Variants in ANKS1B observed in about 807,000 individuals in gnomAD.
The protein encoded by ANKS1B is ankyrin repeat and sterile alpha motif domain containing 1B, also known as ankyrin repeat and sterile alpha motif domain-containing protein 1B.
A neutral mutation model predicts 148.3 loss-of-function variants in ANKS1B; 36 were observed. That is an observed-to-expected ratio of 0.24 (90% CI 0.19 to 0.32). The LOEUF (loss-of-function observed/expected upper bound fraction) is 0.32, where lower values mean the gene tolerates loss of function less well. ANKS1B is among the 10% of genes least tolerant of loss of function. The probability of loss-of-function intolerance (pLI) is 1.00; values close to 1 mark genes in which losing one functional copy is unlikely to be tolerated. For missense variants in ANKS1B, 1,157 were observed against 1,542.6 expected, an observed-to-expected ratio of 0.75 and a Z score of 4.19; for synonymous variants, 542 against 560.8, an observed-to-expected ratio of 0.97 and a Z score of 0.47.
intron 17 of ANKS1B, among the ~76,000 whole-genome samples, chr12:98,836,314 C>T (rs2099362668): frequency 6.6e-6 from 1 of 152,162 alleles, no homozygotes; most frequent in Non-Finnish European, 1.5e-5. Flanking sequence ...GTTAAAGCTA[C>T]AGGCTACAAG....
At chr12:99,877,296 C>T (rs1327203128) in intron 1 of ANKS1B, among the ~76,000 whole-genome samples, 1 of 152,120 alleles carries the variant, frequency 6.6e-6, no homozygotes, top group Non-Finnish European at 1.5e-5. Flanking sequence ...TTAATCTTCC[C>T]CCACATTCCA....
chr12:99,571,522 A>G (rs1198389332), intron 9 of ANKS1B, among the ~76,000 whole-genome samples: 1 of 152,170 alleles, frequency 6.6e-6, no homozygotes, highest in East Asian at 1.9e-4. Context: ...CAAGTCTGCT[A>G]TGATGAGAAA....
chr12:99,183,239 C>T (rs2079355657), intron 14 of ANKS1B, among the ~76,000 whole-genome samples: 1 of 152,144 alleles, frequency 6.6e-6, no homozygotes. Flanking sequence ...TATCACAAGA[C>T]ACATTAAAGA....
At chr12:99,279,070 G>A (rs940222141) in intron 12 of ANKS1B, among the ~76,000 whole-genome samples, 1 of 151,982 alleles carries the variant, frequency 6.6e-6, no homozygotes, top group Non-Finnish European at 1.5e-5. Context: ...AATGGTGTAG[G>A]CCCTCACCAC....
chr12:99,513,729 C>T (rs927603404), intron 9 of ANKS1B, among the ~76,000 whole-genome samples: 2 of 151,984 alleles, frequency 1.3e-5, no homozygotes, highest in African/African-American at 4.8e-5. Flanking sequence ...ATTTATTTCT[C>T]TCCACCCCAG....
At chr12:98,889,209 A>G (rs2099746811) in intron 17 of ANKS1B, among the ~76,000 whole-genome samples, 1 of 152,252 alleles carries the variant, frequency 6.6e-6, no homozygotes, top group Non-Finnish European at 1.5e-5. Flanking sequence ...AATCAACATG[A>G]TGAATTATCA....
chr12:99,333,851 T>C (rs1430232195), intron 12 of ANKS1B, among the ~76,000 whole-genome samples: 1 of 144,672 alleles, frequency 6.9e-6, no homozygotes, highest in Non-Finnish European at 1.5e-5. Context: ...TTTCCAGTTC[T>C]CAGTTTTTTT....
intron 14 of ANKS1B, among the ~76,000 whole-genome samples, chr12:99,175,781 C>T (rs1566555521): frequency 6.6e-6 from 1 of 152,160 alleles, no homozygotes; most frequent in African/African-American, 2.4e-5. Context: ...CCAGGCTCCA[C>T]CTACGATGCT....
chr12:99,908,319 C>T (rs941729726), intron 1 of ANKS1B, among the ~76,000 whole-genome samples: 3 of 152,096 alleles, frequency 2.0e-5, no homozygotes, highest in Admixed American at 6.5e-5. Flanking sequence ...GTGGCTCATA[C>T]CTGTAATCCC....
At chr12:99,082,534 C>T (rs1260836243) in intron 16 of ANKS1B, among the ~76,000 whole-genome samples, 1 of 152,042 alleles carries the variant, frequency 6.6e-6, no homozygotes, top group Non-Finnish European at 1.5e-5. Context: ...AAGGATCATT[C>T]CAGATACTGT....
intron 1 of ANKS1B, among the ~76,000 whole-genome samples, chr12:99,966,527 C>G (rs1202255214): frequency 6.6e-6 from 1 of 152,092 alleles, no homozygotes; most frequent in Non-Finnish European, 1.5e-5. Context: ...AATGCTGACA[C>G]CAGACTGCTC....
chr12:99,239,207 G>A (rs1488332332), intron 14 of ANKS1B, among the ~76,000 whole-genome samples: 3 of 152,168 alleles, frequency 2.0e-5, no homozygotes, highest in Admixed American at 2.0e-4. Context: ...AATAAACGGT[G>A]TAAAGAAGAC....
intron 10 of ANKS1B, among the ~76,000 whole-genome samples, chr12:99,445,784 T>C (rs1165011697): frequency 6.6e-6 from 1 of 151,940 alleles, no homozygotes; most frequent in Non-Finnish European, 1.5e-5. Flanking sequence ...TGCAGTAGCA[T>C]GAACACAGCT....
intron 17 of ANKS1B, chr12:98,895,316 C>T (rs1190003021): frequency 2.0e-6 from 2 of 985,180 alleles, no homozygotes; most frequent in Middle Eastern, 5.2e-4. Flanking sequence ...TCCGCCGCCC[C>T]CTCCGCGCAC....
At chr12:99,390,687 C>T (rs2094030497) in intron 12 of ANKS1B, among the ~76,000 whole-genome samples, 1 of 152,204 alleles carries the variant, frequency 6.6e-6, no homozygotes, top group Non-Finnish European at 1.5e-5. Flanking sequence ...CTTGATAGTT[C>T]CCTGTGGTAA....
chr12:99,502,862 T>C (rs1001191459), intron 10 of ANKS1B, among the ~76,000 whole-genome samples: 4 of 152,210 alleles, frequency 2.6e-5, no homozygotes, highest in Non-Finnish European at 4.4e-5. Context: ...CTAGCCTCAG[T>C]ACTGCTCAAA....
At chr12:99,517,693 T>C (rs1334346137) in intron 9 of ANKS1B, among the ~76,000 whole-genome samples, 3 of 152,112 alleles carry the variant, frequency 2.0e-5, no homozygotes, top group African/African-American at 7.2e-5. Context: ...ACCTTTCCAA[T>C]TTGGATGCCC....
rs371614786 is a variant in ANKS1B at position 99,706,329 on chromosome 12, G to A, written c.1129-51119C>T. On this transcript the variant is annotated intron_variant, in intron 8 of 26. Coordinates refer to ENST00000683438, the MANE Select transcript of ANKS1B (RefSeq NM_001352186.2). ...AAGAGAAGAAGATGGTTGGGGTACT[G>A]CTTTTTAAAATAATAATAAATAATA... 6.6e-5 allele frequency: 10 copies of A among 152,030 alleles called. No individual in the cohort carries two copies. The East Asian group carries it at 9.7e-4, about 15-fold the overall frequency. 9.4% of individuals were successfully genotyped at this position (152,030 alleles called of 1,614,324 possible).
At chr12:99,465,357 A>G (rs1198113168) in intron 10 of ANKS1B, among the ~76,000 whole-genome samples, 1 of 152,232 alleles carries the variant, frequency 6.6e-6, no homozygotes, top group Non-Finnish European at 1.5e-5. Flanking sequence ...TGTAAAGACC[A>G]TCGAGGCTAG....
Sources: allele counts gnomAD v4.1 joint callset (sites outside exome capture counted in the v4.1 genomes callset), GRCh38; gene constraint gnomAD v4.1.1; transcripts MANE v1.5; gene names NCBI Gene and HGNC (gene_info 2026-07-23, HGNC 2026-07-21).